Variants in ZSWIM5 observed in about 807,000 individuals in gnomAD.
ZSWIM5 encodes the protein zinc finger SWIM domain-containing protein 5.
A neutral mutation model predicts 119.6 loss-of-function variants in ZSWIM5; 55 were observed. The observed-to-expected ratio is 0.46, with a 90% confidence interval of 0.37 to 0.58. ZSWIM5 has a LOEUF of 0.58. Ranked by LOEUF, ZSWIM5 falls within the 20% of genes least tolerant of loss-of-function variation. ZSWIM5 has a pLI of 0.00. For missense variants in ZSWIM5, 1,193 were observed against 1,512.8 expected (o/e 0.79, Z 3.51); for synonymous variants, 537 against 606.9 (o/e 0.88, Z 1.69).
chr1:45,041,746 C>T (rs150080554), intron 6 of ZSWIM5, among the ~76,000 whole-genome samples: 1,543 of 152,248 alleles, frequency 0.01, 14 homozygotes, highest in Non-Finnish European at 0.016. Flanking sequence ...CCATGTTGGC[C>T]AGGCTGGTCT....
At chr1:45,055,015 G>A (rs1453213185) in intron 4 of ZSWIM5, among the ~76,000 whole-genome samples, 3 of 151,866 alleles carry the variant, frequency 2.0e-5, no homozygotes, top group Non-Finnish European at 4.4e-5. Context: ...TTTTTAAGAT[G>A]GAGTCTCATT....
intron 1 of ZSWIM5, among the ~76,000 whole-genome samples, chr1:45,121,000 AGTGTGGTG>A (rs1645587813): frequency 6.7e-6 from 1 of 150,092 alleles, no homozygotes; most frequent in Admixed American, 6.7e-5. Context: ...CCCAGGCTGG[AGTGTGGTG>A]GCGCGATCTC....
At chr1:45,085,097 T>C (rs1219451206) in intron 2 of ZSWIM5, among the ~76,000 whole-genome samples, 3 of 152,224 alleles carry the variant, frequency 2.0e-5, no homozygotes, top group African/African-American at 4.8e-5. Context: ...CTCCCAAGCC[T>C]CAACTCTTGA....
chr1:45,206,408 C>A lies in ZSWIM5; in HGVS notation c.-58G>T. 2.3e-6 allele frequency: 3 copies of A among 1,318,966 alleles called. No individual in the cohort carries two copies. Among genetic ancestry groups the A allele is most frequent in the Non-Finnish European group, 2.9e-6 (3 of 1,036,988 alleles). The allele number at this position is 1,318,966 out of a possible 1,614,324, so 81.7% of individuals were successfully genotyped here. The stretch of plus-strand genomic sequence containing the variant: ...GCGGCTGCTCGGGCTGCGGCGGAGA[C>A]CCTGGCCACGGCCACGCGCCCCGCG... On this transcript the variant is annotated 5_prime_UTR_variant, in exon 1 of 14. Coordinates refer to ENST00000359600, the MANE Select transcript of ZSWIM5 (RefSeq NM_020883.2).
intron 1 of ZSWIM5, among the ~76,000 whole-genome samples, chr1:45,143,162 ACT>A (rs1233748835): frequency 4.2e-4 from 58 of 138,952 alleles, no homozygotes; most frequent in Non-Finnish European, 6.8e-4. Context: ...ACAGAGTGAG[ACT>A]CTGTCTCAAA....
chr1:45,051,168 G>A lies in ZSWIM5; in HGVS notation c.1338C>T (p.Ser446=), dbSNP rs149837338. 11,350 of 1,614,146 alleles carry A rather than the reference G, an allele frequency of 7.0e-3. 172 individuals carry two copies. Among genetic ancestry groups the A allele is most frequent in the South Asian group, 0.045 (4,056 of 91,062 alleles). ...SCWLQQLQKW[S]DLDVCPLEDG... is the part of the protein sequence containing the mutation. Reference sequence around the variant, plus strand: ...CCTCCAGGGGACAGACATCCAGGTCGCTCCACTTCTGCAGCTGCTGCAGCC... The same window carrying A: ...CCTCCAGGGGACAGACATCCAGGTCACTCCACTTCTGCAGCTGCTGCAGCC... Residue 446 remains serine, a synonymous_variant, in exon 5 of 14, where the codon AGC becomes AGT. Coordinates refer to ENST00000359600, the MANE Select transcript of ZSWIM5 (RefSeq NM_020883.2).
At chr1:45,109,865 A>G (rs1337472493) in intron 1 of ZSWIM5, among the ~76,000 whole-genome samples, 2 of 151,880 alleles carry the variant, frequency 1.3e-5, no homozygotes, top group Non-Finnish European at 2.9e-5. Context: ...TCTATGTACT[A>G]TATTTTTCCT....
At chr1:45,022,925 C>A (rs1205972604) in intron 11 of ZSWIM5, among the ~76,000 whole-genome samples, 1 of 152,220 alleles carries the variant, frequency 6.6e-6, no homozygotes. Flanking sequence ...GGCTTGTGCC[C>A]AGCAAATTGA....
At chr1:45,143,399 C>T (rs1188489564) in intron 1 of ZSWIM5, among the ~76,000 whole-genome samples, 1 of 152,008 alleles carries the variant, frequency 6.6e-6, no homozygotes. Flanking sequence ...GAATAAAAAA[C>T]ATGATCATAC....
chr1:45,101,828 G>A (rs1024915120), intron 1 of ZSWIM5, among the ~76,000 whole-genome samples: 1 of 152,118 alleles, frequency 6.6e-6, no homozygotes, highest in African/African-American at 2.4e-5. Flanking sequence ...CTCATAGGTG[G>A]GAGTTGAACA....
At chr1:45,068,558 T>C (rs1645200286) in intron 2 of ZSWIM5, among the ~76,000 whole-genome samples, 1 of 152,118 alleles carries the variant, frequency 6.6e-6, no homozygotes, top group Non-Finnish European at 1.5e-5. Flanking sequence ...AATTTTTCTC[T>C]ACCTCAAGGA....
intron 1 of ZSWIM5, among the ~76,000 whole-genome samples, chr1:45,100,713 T>C (rs1322704250): frequency 1.3e-5 from 2 of 150,820 alleles, no homozygotes; most frequent in Non-Finnish European, 3.0e-5. Context: ...TACAGACCAA[T>C]GGAACAGAAC....
rs142109347 is a variant in ZSWIM5, at chr1:45,157,217, A to G, written c.595+48539T>C. Among the ~76,000 whole-genome samples, 269 of 151,998 alleles carry G rather than the reference A, an allele frequency of 1.8e-3. 4 individuals are homozygous for G. Among genetic ancestry groups the G allele is most frequent in the Middle Eastern group, 6.8e-3 (2 of 292 alleles). On this transcript the variant is annotated intron_variant, in intron 1 of 13. Transcript: ENST00000359600. The stretch of plus-strand genomic sequence containing the variant: ...TACTTTTGAGACAGGGTCTTCCTCT[A>G]TTGCCCAGGCAGTCGCACACAATCT...
chr1:45,125,658 CAGCTACT>C (rs1268816347), intron 1 of ZSWIM5, among the ~76,000 whole-genome samples: 1 of 150,170 alleles, frequency 6.7e-6, no homozygotes, highest in Non-Finnish European at 1.5e-5. Context: ...CCTGTAATCC[CAGCTACT>C]CGGGAGGCTG....
At position 45,205,856 on chromosome 1, in the gene ZSWIM5, GC is replaced by G; in HGVS notation, c.494del (p.Gly165AlafsTer38). 7.0e-7 allele frequency: 1 copy of G among 1,436,414 alleles called. No homozygotes were observed. The allele number at this position is 1,436,414 out of a possible 1,614,324, so 89.0% of individuals were successfully genotyped here. A position where few individuals can be genotyped will look rare whatever the true frequency, so the allele number is the denominator to read the frequency against. On this transcript the variant is annotated frameshift_variant, in exon 1 of 14. Transcript: ENST00000359600. LOFTEE classifies it high-confidence loss of function. ...GVAAGASPGL[G>X]AGAGAAGCGG... Reference sequence around the variant, plus strand: ...CGCAGCCGGCCGCGCCGGCCCCTGCGCCCAGCCCGGGGGATGCCCCAGCCGC... The same window carrying G: ...CGCAGCCGGCCGCGCCGGCCCCTGCGCCAGCCCGGGGGATGCCCCAGCCGC...
chr1:45,079,085 T>C (rs1451048850), intron 2 of ZSWIM5, among the ~76,000 whole-genome samples: 1 of 152,040 alleles, frequency 6.6e-6, no homozygotes, highest in Non-Finnish European at 1.5e-5. Flanking sequence ...AATGATGACA[T>C]TACCTTGTGA....
chr1:45,176,881 G>A (rs1308931023), intron 1 of ZSWIM5, among the ~76,000 whole-genome samples: 2 of 151,894 alleles, frequency 1.3e-5, no homozygotes, highest in Non-Finnish European at 2.9e-5. Flanking sequence ...CCCCCTTCAT[G>A]TGGATACCCT....
intron 1 of ZSWIM5, among the ~76,000 whole-genome samples, chr1:45,156,368 C>G (rs1367594817): frequency 3.3e-5 from 5 of 151,916 alleles, no homozygotes; most frequent in Non-Finnish European, 4.4e-5. Context: ...CAGGATCAAT[C>G]ATACCCCAAA....
At chr1:45,061,457 A>G (rs1645151607) in intron 2 of ZSWIM5, among the ~76,000 whole-genome samples, 1 of 148,132 alleles carries the variant, frequency 6.8e-6, no homozygotes, top group Admixed American at 6.8e-5. Context: ...TGCAACCTCC[A>G]CCTCCTGGGT....
Sources: allele counts gnomAD v4.1 joint callset (sites outside exome capture counted in the v4.1 genomes callset), GRCh38; gene constraint gnomAD v4.1.1; transcripts MANE v1.5; gene names NCBI Gene and HGNC (gene_info 2026-07-23, HGNC 2026-07-21).